SPAG17: variants seen among roughly 807,000 people sequenced by gnomAD.
SPAG17 encodes the protein sperm-associated antigen 17.
A neutral mutation model predicts 273.6 loss-of-function variants in SPAG17; 169 were observed. That is an observed-to-expected ratio of 0.62 (90% confidence interval 0.55 to 0.70). The LOEUF (loss-of-function observed/expected upper bound fraction) is 0.70. Ranked by LOEUF, SPAG17 falls within the 30% of genes least tolerant of loss-of-function variation. The pLI is 0.00. For synonymous variants in SPAG17, 825 were observed against 873.2 expected, an observed-to-expected ratio of 0.94 and a Z score of 0.97; for missense variants, 2,557 against 2,627.8, an observed-to-expected ratio of 0.97 and a Z score of 0.59.
intron 1 of SPAG17, among the ~76,000 whole-genome samples, chr1:118,169,444 G>T (rs149109997): frequency 2.7e-4 from 41 of 152,264 alleles, no homozygotes; most frequent in Non-Finnish European, 5.7e-4. Context: ...TCTGCTTGCT[G>T]CCAGACATCA....
chr1:118,143,727 C>T (rs1014187220), intron 3 of SPAG17, among the ~76,000 whole-genome samples: 1 of 152,212 alleles, frequency 6.6e-6, no homozygotes, highest in Non-Finnish European at 1.5e-5. Context: ...CCTTCCCCAG[C>T]ACCCCTCCAA....
chr1:117,995,765 C>A lies in SPAG17; in HGVS notation c.5053+605G>T, dbSNP rs1361058816. ...CTAGGCACAGCACATAGGTTTTGTACACAGATAATATGTAGGCTAATATCT... is the reference window on the plus strand; with the variant it reads ...CTAGGCACAGCACATAGGTTTTGTAAACAGATAATATGTAGGCTAATATCT... On this transcript the variant is annotated intron_variant, in intron 34 of 48. Coordinates refer to ENST00000336338, the MANE Select transcript of SPAG17 (RefSeq NM_206996.4). Among the ~76,000 whole-genome samples the A allele has an allele frequency of 2.0e-5, 3 of 151,306 alleles. No homozygotes were observed. In the East Asian group the frequency reaches 5.8e-4, roughly 29 times the overall value.
intron 42 of SPAG17, among the ~76,000 whole-genome samples, chr1:117,983,078 C>T (rs1669949293): frequency 6.6e-6 from 1 of 152,148 alleles, no homozygotes; most frequent in Non-Finnish European, 1.5e-5. Context: ...GTTTAATGGA[C>T]TCACAGTTCC....
At chr1:118,143,816 G>A (rs1025777110) in intron 3 of SPAG17, among the ~76,000 whole-genome samples, 7 of 152,164 alleles carry the variant, frequency 4.6e-5, no homozygotes, top group African/African-American at 1.7e-4. Flanking sequence ...AAGCTGTGAT[G>A]ACTTCTCTTC....
At chr1:118,174,307 G>A (rs892505291) in intron 1 of SPAG17, among the ~76,000 whole-genome samples, 4 of 152,100 alleles carry the variant, frequency 2.6e-5, no homozygotes, top group East Asian at 1.9e-4. Context: ...AGAAATTCAT[G>A]AGCTGAAAAA....
chr1:118,150,372 T>A, intron 3 of SPAG17, 171 bp downstream of exon 3: 1 of 399,802 alleles, frequency 2.5e-6, no homozygotes, highest in Non-Finnish European at 4.5e-6. Context: ...TTTTAAAATT[T>A]TAAAAGGAGG....
chr1:118,163,768 C>A (rs372945509), intron 1 of SPAG17, among the ~76,000 whole-genome samples: 12 of 152,036 alleles, frequency 7.9e-5, no homozygotes, highest in East Asian at 7.7e-4. Context: ...GTGACCTACA[C>A]CAAAAGCTCC....
intron 48 of SPAG17, 41 bp downstream of exon 48, chr1:117,963,758 G>A: frequency 6.4e-7 from 1 of 1,574,478 alleles, no homozygotes; most frequent in Non-Finnish European, 8.7e-7. Context: ...CCTCAAATTT[G>A]AATGCTTGAC....
At chr1:118,153,341 T>G (rs1570791627) in intron 1 of SPAG17, among the ~76,000 whole-genome samples, 1 of 152,340 alleles carries the variant, frequency 6.6e-6, no homozygotes, top group South Asian at 2.1e-4. Flanking sequence ...AAAAGTTAAA[T>G]GACTTGTTCA....
intron 6 of SPAG17, among the ~76,000 whole-genome samples, chr1:118,098,677 C>A (rs1655871088): frequency 6.6e-6 from 1 of 151,998 alleles, no homozygotes; most frequent in Non-Finnish European, 1.5e-5. Context: ...GACTGAGAGT[C>A]CATTTTTGTA....
chr1:118,148,162 G>C (rs1021418652), intron 3 of SPAG17, among the ~76,000 whole-genome samples: 2 of 152,124 alleles, frequency 1.3e-5, no homozygotes, highest in African/African-American at 4.8e-5. Flanking sequence ...TTTGAGAAAT[G>C]GGATGTTGCA....
intron 4 of SPAG17, among the ~76,000 whole-genome samples, chr1:118,102,207 A>C (rs1656115154): frequency 6.6e-6 from 1 of 152,228 alleles, no homozygotes; most frequent in African/African-American, 2.4e-5. Context: ...GTGTGGCCTA[A>C]GAAGCCACCC....
At chr1:118,008,356 T>C (rs1477040823) in intron 30 of SPAG17, among the ~76,000 whole-genome samples, 158 bp from the exon 31 acceptor site, 1 of 152,110 alleles carries the variant, frequency 6.6e-6, no homozygotes, top group African/African-American at 2.4e-5. Flanking sequence ...CTCCACAGGG[T>C]TGGAGTGTGG....
chr1:117,973,472 G>A lies in SPAG17; in HGVS notation c.6094C>T (p.Pro2032Ser), dbSNP rs1654792233. Residue 2032 changes from proline (P) to serine (S), a missense_variant, in exon 44 of 49, where the codon CCT becomes TCT. Transcript: ENST00000336338. The stretch of plus-strand genomic sequence containing the variant: ...GGCTTGGAACTCAGCAAATAATGAG[G>A]CAACTTCACTTTTTCTTTTCTTGTT... The part of the protein sequence containing the change: ...GQTRKEKVKL[P>S]HYLLSSKPKS... 19 of 1,613,900 alleles carry A rather than the reference G, an allele frequency of 1.2e-5. No individual in the cohort carries two copies. The highest frequency in any genetic ancestry group is 1.5e-5 in the Non-Finnish European group (18 of 1,179,860).
At chr1:118,030,567 T>C (rs958164231) in intron 25 of SPAG17, among the ~76,000 whole-genome samples, 8 of 152,076 alleles carry the variant, frequency 5.3e-5, no homozygotes, top group Non-Finnish European at 8.8e-5. Flanking sequence ...CATTAGGTAT[T>C]TGTCCTAATG....
intron 43 of SPAG17, among the ~76,000 whole-genome samples, chr1:117,980,723 G>A (rs1476943447): frequency 6.6e-6 from 1 of 152,128 alleles, no homozygotes; most frequent in African/African-American, 2.4e-5. Flanking sequence ...ATATTTAGTT[G>A]AATTATCTTA....
intron 5 of SPAG17, 141 bp downstream of exon 5, chr1:118,101,599 G>A: frequency 1.3e-6 from 1 of 751,614 alleles, no homozygotes; most frequent in Non-Finnish European, 2.1e-6. Flanking sequence ...AAATTCTAGT[G>A]TCTCTAGGGC....
intron 1 of SPAG17, among the ~76,000 whole-genome samples, chr1:118,162,112 T>A (rs922327915): frequency 6.6e-6 from 1 of 152,200 alleles, no homozygotes. Flanking sequence ...ATGATTAGAA[T>A]AAATTTCAAG....
At position 118,031,119 on chromosome 1, in the gene SPAG17, A is replaced by AGT. The variant is rs35930713; in HGVS notation, c.3609+571_3609+572dup. ...TTATTAGATCTTTGTTTAGAGTCAA[A>AGT]GTGTGTGTGTGTGTGTGTTTACTAT... is the stretch of plus-strand genomic sequence containing the variant. On this transcript the variant is annotated intron_variant, in intron 25 of 48. Transcript: ENST00000336338. 8.4e-3 allele frequency among the ~76,000 whole-genome samples: 1,235 copies of AGT among 147,502 alleles called. 12 individuals are homozygous for AGT. Among genetic ancestry groups the AGT allele is most frequent in the African/African-American group, 0.027 (1,088 of 40,218 alleles).
Sources: gnomAD v4.1 joint callset for allele counts (sites outside exome capture counted in the v4.1 genomes callset) on GRCh38, gnomAD v4.1.1 for gene constraint, MANE v1.5 for transcripts, NCBI Gene and HGNC (gene_info 2026-07-23, HGNC 2026-07-21) for gene names.